Variants in CAMKMT observed in about 807,000 individuals in gnomAD.
The protein encoded by CAMKMT is CaM KMT.
A neutral mutation model predicts 48.0 loss-of-function variants in CAMKMT; 53 were observed. The observed-to-expected ratio is 1.10, with a 90% confidence interval of 0.89 to 1.39. The LOEUF (loss-of-function observed/expected upper bound fraction) is 1.39. Ranked by LOEUF, CAMKMT falls within the 40% of genes most tolerant of loss-of-function variation. The probability of loss-of-function intolerance (pLI) is 0.00; values close to 1 mark genes in which losing one functional copy is unlikely to be tolerated. For synonymous variants in CAMKMT, 165 were observed against 152.3 expected (o/e 1.08, Z -0.61); for missense variants, 428 against 402.7 (o/e 1.06, Z -0.54).
At chr2:44,588,299 AGGGAG>A (rs1670014306) in intron 3 of CAMKMT, among the ~76,000 whole-genome samples, 2 of 55,242 alleles carry the variant, frequency 3.6e-5, no homozygotes, top group African/African-American at 8.9e-5. Context: ...CCCGTCCGGG[AGGGAG>A]GGGGGGGGTC....
Position 44,653,333 on chromosome 2 carries a change from T to C in CAMKMT, c.377-50950T>C, listed in dbSNP as rs756768915. On this transcript the variant is annotated intron_variant, in intron 3 of 10. Coordinates refer to ENST00000378494, the MANE Select transcript of CAMKMT (RefSeq NM_024766.5). The surrounding 1 kb of genome is among the most constrained non-coding windows in gnomAD (Gnocchi z 5.2). ...ATTGTCATTTCAACCAGATAAGTAA[T>C]AAGAAAGTCACAACACAGAGGAGAA... Among the ~76,000 whole-genome samples, 9 of 152,140 alleles carry C rather than the reference T, an allele frequency of 5.9e-5. No individual in the cohort carries two copies. Among genetic ancestry groups the C allele is most frequent in the Non-Finnish European group, 1.3e-4 (9 of 68,016 alleles).
At chr2:44,709,344 T>C (rs1278076328) in intron 6 of CAMKMT, among the ~76,000 whole-genome samples, 4 of 152,186 alleles carry the variant, frequency 2.6e-5, no homozygotes, top group Non-Finnish European at 4.4e-5. Context: ...CTTTTCAGGA[T>C]GCAGACCAAA....
intron 3 of CAMKMT, among the ~76,000 whole-genome samples, chr2:44,590,592 T>G (rs1670201196): frequency 1.3e-5 from 2 of 152,212 alleles, no homozygotes; most frequent in Non-Finnish European, 2.9e-5. Context: ...TCACCCACTT[T>G]TTGATGGGGT....
At chr2:44,646,951 C>G (rs1673768220) in intron 3 of CAMKMT, among the ~76,000 whole-genome samples, 1 of 152,174 alleles carries the variant, frequency 6.6e-6, no homozygotes, top group Admixed American at 6.5e-5. Flanking sequence ...TATGAAAAGG[C>G]TATTAGGGAA....
chr2:44,524,482 CTCT>C (rs1671297127), intron 3 of CAMKMT, among the ~76,000 whole-genome samples: 1 of 151,776 alleles, frequency 6.6e-6, no homozygotes, highest in Non-Finnish European at 1.5e-5. Context: ...TATTTTTCTT[CTCT>C]TCTTCCTCTT....
intron 3 of CAMKMT, among the ~76,000 whole-genome samples, chr2:44,603,755 C>A (rs1045312676): frequency 6.6e-6 from 1 of 152,166 alleles, no homozygotes; most frequent in Non-Finnish European, 1.5e-5. Context: ...TATTCCCCTG[C>A]CCCAGATTCT....
chr2:44,665,234 C>G (rs1674899035), intron 3 of CAMKMT, among the ~76,000 whole-genome samples: 1 of 152,074 alleles, frequency 6.6e-6, no homozygotes, highest in Admixed American at 6.6e-5. Context: ...TCATGCCCGG[C>G]TAATTTTTGT....
chr2:44,455,174 G>T (rs1170869090), intron 3 of CAMKMT, among the ~76,000 whole-genome samples: 1 of 152,126 alleles, frequency 6.6e-6, no homozygotes, highest in Non-Finnish European at 1.5e-5. Flanking sequence ...AGTCGCATTT[G>T]GTTATTTGTG....
At chr2:44,654,138 G>C (rs1457086764) in intron 3 of CAMKMT, among the ~76,000 whole-genome samples, 2 of 152,092 alleles carry the variant, frequency 1.3e-5, no homozygotes, top group Non-Finnish European at 2.9e-5. Flanking sequence ...AACATTTTAT[G>C]ATCTTAGCCT....
intron 3 of CAMKMT, among the ~76,000 whole-genome samples, chr2:44,454,281 G>A (rs1325807503): frequency 6.6e-6 from 1 of 152,016 alleles, no homozygotes; most frequent in Non-Finnish European, 1.5e-5. Context: ...TTTTAAAATA[G>A]AGACTTCAGG....
chr2:44,528,038 G>T (rs987419857), intron 3 of CAMKMT, among the ~76,000 whole-genome samples: 7 of 152,116 alleles, frequency 4.6e-5, no homozygotes, highest in African/African-American at 1.7e-4. Context: ...AAAAACTACA[G>T]AATTACAGAA....
Position 44,417,965 on chromosome 2 carries a change from G to T in CAMKMT, c.376+27660G>T, listed in dbSNP as rs1016323190. 1.5e-4 allele frequency among the ~76,000 whole-genome samples: 23 copies of T among 152,258 alleles called. 1 individual carries two copies. In the East Asian group the frequency reaches 4.0e-3, roughly 27 times the overall value. On this transcript the variant is annotated intron_variant, in intron 3 of 10. Transcript: ENST00000378494. The stretch of plus-strand genomic sequence containing the variant: ...CCCAGCACTTTGGGAAGCCGAGGCG[G>T]GTAGATACCTGAGGTCAGGAATTTG...
intron 3 of CAMKMT, among the ~76,000 whole-genome samples, chr2:44,420,100 A>G (rs967490192): frequency 2.6e-5 from 4 of 152,162 alleles, no homozygotes; most frequent in African/African-American, 9.7e-5. Flanking sequence ...ATATGTAAAG[A>G]TTTATTAATT....
chr2:44,596,711 A>C (rs1486929376), intron 3 of CAMKMT, among the ~76,000 whole-genome samples: 2 of 151,688 alleles, frequency 1.3e-5, no homozygotes, highest in Non-Finnish European at 2.9e-5. Context: ...TTCAACTTTG[A>C]ATTGTGCTTG....
intron 3 of CAMKMT, among the ~76,000 whole-genome samples, chr2:44,550,047 C>G (rs1667623131): frequency 6.6e-6 from 1 of 152,074 alleles, no homozygotes; most frequent in African/African-American, 2.4e-5. Context: ...GTCATATTCA[C>G]AAAAATACCT....
At chr2:44,430,502 A>G (rs548834379) in intron 3 of CAMKMT, among the ~76,000 whole-genome samples, 12 of 151,242 alleles carry the variant, frequency 7.9e-5, no homozygotes, top group Middle Eastern at 6.8e-3. Flanking sequence ...GGACTTGCAT[A>G]CTAGACCCAG....
rs937726201 is a variant in CAMKMT, at chr2:44,404,786, T to C, written c.376+14481T>C. On this transcript the variant is annotated intron_variant, in intron 3 of 10. Transcript: ENST00000378494. Reference sequence around the variant, plus strand: ...AGGATGATCTTTCCTAGTTTCTTTTTCTACTGTCTTAGATGCTTTGATTCT... The same window carrying C: ...AGGATGATCTTTCCTAGTTTCTTTTCCTACTGTCTTAGATGCTTTGATTCT... Among the ~76,000 whole-genome samples, 3 of 152,224 alleles carry C rather than the reference T, an allele frequency of 2.0e-5. No individual in the cohort carries two copies. In the South Asian group the frequency reaches 6.2e-4, roughly 32 times the overall value.
chr2:44,451,399 G>GT (rs576935225), intron 3 of CAMKMT, among the ~76,000 whole-genome samples: 1 of 151,688 alleles, frequency 6.6e-6, no homozygotes, highest in Non-Finnish European at 1.5e-5. Context: ...AAAGGTTTTT[G>GT]TTTTTTTGGA....
chr2:44,423,443 C>G (rs963602957), intron 3 of CAMKMT, among the ~76,000 whole-genome samples: 1 of 152,112 alleles, frequency 6.6e-6, no homozygotes, highest in African/African-American at 2.4e-5. Context: ...CTTGGCCTCC[C>G]GAAGTGCTGG....
Sources: allele counts gnomAD v4.1 joint callset (sites outside exome capture counted in the v4.1 genomes callset), GRCh38; gene constraint gnomAD v4.1.1; non-coding constraint Gnocchi (gnomAD v3.1); transcripts MANE v1.5; gene names NCBI Gene and HGNC (gene_info 2026-07-23, HGNC 2026-07-21).